ASIC2: variants seen among roughly 807,000 people sequenced by gnomAD.
ASIC2 encodes the protein acid-sensing ion channel 2.
A neutral mutation model predicts 57.3 loss-of-function variants in ASIC2; 25 were observed. The ratio of observed to expected loss-of-function variants is 0.44; its 90% confidence interval spans 0.32 to 0.61. The LOEUF (loss-of-function observed/expected upper bound fraction) is 0.61, where lower values mean the gene tolerates loss of function less well. Ranked by LOEUF, ASIC2 falls within the 20% of genes least tolerant of loss-of-function variation. The pLI is 0.06. For synonymous variants in ASIC2, 319 were observed against 307.5 expected, an observed-to-expected ratio of 1.04 and a Z score of -0.39; for missense variants, 641 against 738.1, an observed-to-expected ratio of 0.87 and a Z score of 1.52.
chr17:33,883,002 T>C (rs964071652), intron 1 of ASIC2, among the ~76,000 whole-genome samples: 12 of 151,944 alleles, frequency 7.9e-5, no homozygotes, highest in African/African-American at 2.9e-4. Context: ...AGCAAACTAT[T>C]GCAAGGACAA....
intron 1 of ASIC2, among the ~76,000 whole-genome samples, chr17:33,847,756 C>A (rs1002571467): frequency 1.3e-5 from 2 of 152,016 alleles, no homozygotes; most frequent in African/African-American, 4.8e-5. Context: ...ATGACAAGGC[C>A]CGGTGATGCA....
At chr17:33,890,961 G>C (rs1914947538) in intron 1 of ASIC2, among the ~76,000 whole-genome samples, 1 of 152,140 alleles carries the variant, frequency 6.6e-6, no homozygotes. Flanking sequence ...TGTGAGTCCA[G>C]AGCCAGGCAT....
chr17:33,898,368 T>C (rs1229423468), intron 1 of ASIC2, among the ~76,000 whole-genome samples: 1 of 151,676 alleles, frequency 6.6e-6, no homozygotes, highest in African/African-American at 2.4e-5. Flanking sequence ...CCTGGGTAGC[T>C]GGGACTACAG....
At position 33,549,937 on chromosome 17, in the gene ASIC2, G is replaced by A. The variant is rs780876581; in HGVS notation, c.556-437870C>T. Reference sequence around the variant, plus strand: ...TCATGGGGCGGCTAAACCTAGGGACGCTGAGACAGCCTTGAGCCAGAGGCC... The same window carrying A: ...TCATGGGGCGGCTAAACCTAGGGACACTGAGACAGCCTTGAGCCAGAGGCC... On this transcript the variant is annotated intron_variant, in intron 1 of 9. Coordinates refer to the ASIC2 transcript ENST00000359872. 1.3e-4 allele frequency among the ~76,000 whole-genome samples: 20 copies of A among 152,176 alleles called. 1 individual carries two copies. The highest frequency in any genetic ancestry group is 3.9e-4 in the East Asian group (2 of 5,182).
chr17:33,452,328 T>A (rs965326244), intron 1 of ASIC2, among the ~76,000 whole-genome samples: 1 of 152,234 alleles, frequency 6.6e-6, no homozygotes, highest in Non-Finnish European at 1.5e-5. Flanking sequence ...TATGGTAATA[T>A]CTATCTCAAA....
chr17:33,054,851 A>G (rs970563759), intron 3 of ASIC2, among the ~76,000 whole-genome samples: 1 of 152,202 alleles, frequency 6.6e-6, no homozygotes, highest in African/African-American at 2.4e-5. Flanking sequence ...CAGGCTTGCA[A>G]CTTGTTACAC....
At position 33,029,263 on chromosome 17, in the gene ASIC2, G is replaced by A. The variant is rs552793738; in HGVS notation, c.988-871C>T. ...CATTTTAAAACACCCTAGAAAGTTCGTTTCTGTCCCTGTCCAATCAGTCCC... is the reference window on the plus strand; with the variant it reads ...CATTTTAAAACACCCTAGAAAGTTCATTTCTGTCCCTGTCCAATCAGTCCC... On this transcript the variant is annotated intron_variant, in intron 3 of 9. Coordinates refer to ENST00000225823, the MANE Select transcript of ASIC2 (RefSeq NM_183377.2). 6.6e-5 allele frequency among the ~76,000 whole-genome samples: 10 copies of A among 152,306 alleles called. No homozygotes were observed. The South Asian group carries it at 1.9e-3, about 28-fold the overall frequency.
intron 1 of ASIC2, among the ~76,000 whole-genome samples, chr17:33,459,092 T>G (rs529374309): frequency 2.4e-4 from 36 of 151,952 alleles, no homozygotes; most frequent in African/African-American, 8.4e-4. Flanking sequence ...TTGTTTTTTG[T>G]GTTTTCTGTT....
chr17:33,743,054 A>G (rs1025419312), intron 1 of ASIC2, among the ~76,000 whole-genome samples: 20 of 152,050 alleles, frequency 1.3e-4, no homozygotes, highest in African/African-American at 4.8e-4. Context: ...TTATCTTCCT[A>G]ATGGGTTCAG....
At chr17:33,024,904 T>C (rs2091852590) in intron 5 of ASIC2, among the ~76,000 whole-genome samples, 2 of 152,224 alleles carry the variant, frequency 1.3e-5, no homozygotes. Flanking sequence ...GTTGTGATAC[T>C]CTTGACACCT....
intron 1 of ASIC2, chr17:34,004,272 A>C (rs1358459246): frequency 6.6e-6 from 1 of 152,310 alleles, no homozygotes; most frequent in Non-Finnish European, 1.5e-5. Flanking sequence ...CCACCTCCTT[A>C]GGAAGATCAT....
chr17:33,691,263 A>G (rs7222289), intron 1 of ASIC2, among the ~76,000 whole-genome samples: 3,784 of 152,290 alleles, frequency 0.025, 145 homozygotes, highest in African/African-American at 0.087. Flanking sequence ...TGGTTAAAAC[A>G]GCATGTGCAC....
chr17:33,806,099 G>C (rs1401478944), intron 1 of ASIC2, among the ~76,000 whole-genome samples: 1 of 152,116 alleles, frequency 6.6e-6, no homozygotes, highest in East Asian at 1.9e-4. Flanking sequence ...CGAAACACCG[G>C]AAAGCACCCA....
chr17:33,429,015 C>T (rs1183082131), intron 1 of ASIC2, among the ~76,000 whole-genome samples: 1 of 152,090 alleles, frequency 6.6e-6, no homozygotes, highest in Non-Finnish European at 1.5e-5. Context: ...AAAGGGAGTC[C>T]TAGCAGATGA....
chr17:33,409,014 G>C (rs1056362054), intron 1 of ASIC2, among the ~76,000 whole-genome samples: 2 of 152,168 alleles, frequency 1.3e-5, no homozygotes, highest in African/African-American at 4.8e-5. Context: ...AGGAGTTCGA[G>C]ACCAGCCTGG....
At chr17:33,320,627 G>T (rs1906832149) in intron 1 of ASIC2, among the ~76,000 whole-genome samples, 1 of 152,192 alleles carries the variant, frequency 6.6e-6, no homozygotes, top group South Asian at 2.1e-4. Flanking sequence ...GGCTCATTCT[G>T]AGTTTAGAGT....
At chr17:33,425,286 G>A (rs1911178145) in intron 1 of ASIC2, among the ~76,000 whole-genome samples, 1 of 152,184 alleles carries the variant, frequency 6.6e-6, no homozygotes. Context: ...AATATTCAGA[G>A]AAGAAAGAAA....
chr17:33,623,236 GTTTTTT>G (rs770813988), intron 1 of ASIC2, among the ~76,000 whole-genome samples: 4 of 129,226 alleles, frequency 3.1e-5, no homozygotes, highest in South Asian at 2.4e-4. Flanking sequence ...TTGTGATATC[GTTTTTT>G]TTTGTTTGTT....
At chr17:33,191,433 A>G (rs1240038318) in intron 1 of ASIC2, among the ~76,000 whole-genome samples, 1 of 152,002 alleles carries the variant, frequency 6.6e-6, no homozygotes, top group Non-Finnish European at 1.5e-5. Context: ...AGGTATATGT[A>G]TTTGTCACAA....
Sources: allele counts gnomAD v4.1 joint callset (sites outside exome capture counted in the v4.1 genomes callset), GRCh38; gene constraint gnomAD v4.1.1; transcripts MANE v1.5; gene names NCBI Gene and HGNC (gene_info 2026-07-23, HGNC 2026-07-21).